The following TMC4 variants were observed in gnomAD, a reference collection of about 807,000 sequenced individuals.
The protein encoded by TMC4 is transmembrane channel like 4, also known as voltage-gated chloride channel TMC4.
In TMC4, 70 loss-of-function variants were observed where a neutral mutation model predicts 82.0. The observed-to-expected ratio is 0.85, with a 90% CI of 0.70 to 1.04. The LOEUF (loss-of-function observed/expected upper bound fraction) is 1.04. TMC4 is among the 50% of genes least tolerant of loss of function. The pLI is 0.00. For synonymous variants in TMC4, 446 were observed against 406.0 expected (o/e 1.10, Z -1.18); for missense variants, 879 against 899.0 (o/e 0.98, Z 0.28).
chr19:54,171,669 G>T (rs1166795929), intron 2 of TMC4, among the ~76,000 whole-genome samples: 2 of 152,184 alleles, frequency 1.3e-5, no homozygotes, highest in Admixed American at 6.5e-5. Flanking sequence ...CAGAGCCATC[G>T]AAAGGCAGCA....
At position 54,162,167 on chromosome 19, in the gene TMC4, A is replaced by C. The variant is rs1443797576; in HGVS notation, c.1621T>G (p.Phe541Val). The change falls in exon 11 of 15, where the codon TTT (phenylalanine) becomes GTT (valine). Residue 541 changes from phenylalanine to valine, a missense_variant. Physicochemically the swap from Phe to Val is conservative, Grantham distance 50 (BLOSUM62 -1). Coordinates refer to ENST00000619895, the MANE Select transcript of TMC4 (RefSeq NM_144686.4). ...AGCAGGGGCAGTAAAGGGCAGAAAA[A>C]ACTCCCCACCCAGACCACCGTCTGC... The part of the protein sequence containing the change: ...YAQTVVWVGS[F>V]FCPLLPLLNT... 1 of 1,612,554 alleles carries C rather than the reference A, an allele frequency of 6.2e-7. No individual in the cohort carries two copies. Among genetic ancestry groups the C allele is most frequent in the Non-Finnish European group, 8.5e-7 (1 of 1,179,600 alleles).
In TMC4 at chr19:54,164,417, T is replaced by C. The variant is rs763294515; in HGVS notation, c.1113+17A>G. The C allele has an allele frequency of 1.9e-6, 3 of 1,603,780 alleles. No individual in the cohort carries two copies. The highest frequency in any genetic ancestry group is 2.7e-5 in the African/African-American group (2 of 74,616). On this transcript the variant is annotated intron_variant, in intron 7 of 14. Coordinates refer to ENST00000619895, the MANE Select transcript of TMC4 (RefSeq NM_144686.4). ...GTTCCAGGACCCCCTGGCTTCCTCTTCCAAGACCGTCCGCACCTGCAGCTC... is the reference window on the plus strand; with the variant it reads ...GTTCCAGGACCCCCTGGCTTCCTCTCCCAAGACCGTCCGCACCTGCAGCTC...
rs2075790335 is a variant in TMC4 at position 54,168,867 on chromosome 19, C to CTTTTCTT, written c.443-194_443-188dup. Among the ~76,000 whole-genome samples the CTTTTCTT allele has an allele frequency of 6.5e-5, 2 of 30,538 alleles. 1 individual carries two copies. Among genetic ancestry groups the CTTTTCTT allele is most frequent in the Non-Finnish European group, 1.2e-4 (2 of 17,018 alleles). The allele number at this position is 30,538 out of a possible 152,430, so 20.0% of individuals were successfully genotyped here. On this transcript the variant is annotated intron_variant, in intron 3 of 14. Transcript: ENST00000619895. ...CTTTTCTTTTCTTTTCTTTTCTTTT[C>CTTTTCTT]TTTTCTTTTCTTTTCTTTTCTTTCT... is the stretch of plus-strand genomic sequence containing the variant.
rs759009791 is a variant in TMC4 at position 54,163,679 on chromosome 19, G to A, written c.1277+45C>T. On this transcript the variant is annotated intron_variant, in intron 8 of 14. Coordinates refer to ENST00000619895, the MANE Select transcript of TMC4 (RefSeq NM_144686.4). ...TGTCAGCGCCAACATCCCTCTGACC[G>A]CCCCCACCCTTCATCATTCCCAGCC... The A allele has an allele frequency of 5.6e-6, 9 of 1,606,158 alleles. No homozygotes were observed. The South Asian group carries it at 6.6e-5, about 12-fold the overall frequency.
chr19:54,162,389 T>TGGGGG (rs779701144), intron 10 of TMC4, 104 bp from the exon 11 acceptor site: 7 of 255,564 alleles, frequency 2.7e-5, no homozygotes, highest in Admixed American at 1.6e-4. Context: ...GTATTGGTGG[T>TGGGGG]GGGGGGGGGG....
intron 8 of TMC4, 44 bp downstream of exon 8, chr19:54,163,679 GC>G (rs2146877445): frequency 6.2e-7 from 1 of 1,606,156 alleles, no homozygotes. Flanking sequence ...CCCTCTGACC[GC>G]CCCCACCCTT....
chr19:54,163,407 C>A (rs2075619750), intron 8 of TMC4: 1 of 629,330 alleles, frequency 1.6e-6, no homozygotes, highest in East Asian at 2.8e-5. Context: ...ACCTCCCAGG[C>A]TCGAGCCATT....
At chr19:54,168,839 TTTCTTTTC>T (rs2075785605) in intron 3 of TMC4, among the ~76,000 whole-genome samples, 159 bp from the exon 4 acceptor site, 2 of 33,332 alleles carry the variant, frequency 6.0e-5, no homozygotes, top group African/African-American at 2.9e-4. Context: ...TTTCTTTTCT[TTTCTTTTC>T]TTTTCTTTTC....
At position 54,163,082 on chromosome 19, in the gene TMC4, G is replaced by A; in HGVS notation, c.1355C>T (p.Ser452Phe). 6.2e-7 allele frequency: 1 copy of A among 1,614,082 alleles called. No individual in the cohort carries two copies. The highest frequency in any genetic ancestry group is 8.5e-7 in the Non-Finnish European group (1 of 1,180,020). The change falls in exon 9 of 15, where the codon TCC becomes TTC. Residue 452 changes from serine (S) to phenylalanine (F), a missense_variant. Coordinates refer to ENST00000619895, the MANE Select transcript of TMC4 (RefSeq NM_144686.4). The stretch of plus-strand genomic sequence containing the variant: ...ACAGGTTTTGCAGTCCTCAGCCTCG[G>A]AGTCGCCCCCACAAGTGATCTGATT... The part of the protein sequence containing the change: ...LWNQITCGGD[S>F]EAEDCKTCGY...
At position 54,168,297 on chromosome 19, in the gene TMC4, G is replaced by C; in HGVS notation, c.676-5C>G. On this transcript the variant is annotated splice_polypyrimidine_tract_variant and splice_region_variant and intron_variant, in intron 4 of 14. Coordinates refer to ENST00000619895, the MANE Select transcript of TMC4 (RefSeq NM_144686.4). ...AGGGGACCATTCCAGGTAACCCTGT[G>C]GGGGGAAGGCGGCGCAGGGGCCACT... The C allele has an allele frequency of 1.3e-6, 2 of 1,551,182 alleles. No individual in the cohort carries two copies. The highest frequency in any genetic ancestry group is 2.0e-5 in the Admixed American group (1 of 50,982).
At position 54,168,579 on chromosome 19, in the gene TMC4, G is replaced by A. The variant is rs2075763802; in HGVS notation, c.544C>T (p.Pro182Ser). Residue 182 changes from proline to serine, a missense_variant, in exon 4 of 15, where the codon CCC (proline) becomes TCC (serine). Coordinates refer to ENST00000619895, the MANE Select transcript of TMC4 (RefSeq NM_144686.4). ...SVLMACMTLLPTWLGGAPPGP... is the reference protein window; with the variant it reads ...SVLMACMTLLSTWLGGAPPGP... ...GGGGGAGCGCCTCCCAACCAGGTGGGCAGCAGCGTCATGCAGGCCATGAGC... is the reference window on the plus strand; with the variant it reads ...GGGGGAGCGCCTCCCAACCAGGTGGACAGCAGCGTCATGCAGGCCATGAGC... 10 of 1,588,346 alleles carry A rather than the reference G, an allele frequency of 6.3e-6. No individual in the cohort carries two copies. In the East Asian group the frequency reaches 2.1e-4, roughly 33 times the overall value.
chr19:54,162,149 G>T lies in TMC4; in HGVS notation c.1639C>A (p.Pro547Thr). The change falls in exon 11 of 15, where the codon CCC becomes ACC. Residue 547 changes from proline to threonine, a missense_variant. Pro to Thr is a conservative substitution (Grantham distance 38). Transcript: ENST00000619895. ...AGGAACTTGACCGTGTTAAGCAGGG[G>T]CAGTAAAGGGCAGAAAAAACTCCCC... The part of the protein sequence containing the change: ...WVGSFFCPLL[P>T]LLNTVKFLLL... 6.2e-7 allele frequency: 1 copy of T among 1,613,758 alleles called. No individual in the cohort carries two copies. The highest frequency in any genetic ancestry group is 8.5e-7 in the Non-Finnish European group (1 of 1,179,880).
At chr19:54,164,733 T>C in intron 6 of TMC4, 132 bp from the exon 7 acceptor site, 1 of 1,214,680 alleles carries the variant, frequency 8.2e-7, no homozygotes, top group Non-Finnish European at 1.2e-6. Flanking sequence ...GCTAACAACC[T>C]CTGCAGTCCT....
At chr19:54,169,771 A>G (rs915477240) in intron 2 of TMC4, 111 bp from the exon 3 acceptor site, 6 of 1,405,928 alleles carry the variant, frequency 4.3e-6, no homozygotes, top group East Asian at 4.8e-5. Flanking sequence ...TGGCCTATAC[A>G]TAAGATAGAA....
intron 5 of TMC4, among the ~76,000 whole-genome samples, chr19:54,166,808 C>T (rs2075716418): frequency 6.6e-6 from 1 of 152,076 alleles, no homozygotes; most frequent in Non-Finnish European, 1.5e-5. Context: ...ACAAAATTAG[C>T]CGGGCATGGT....
intron 9 of TMC4, 61 bp from the exon 10 acceptor site, chr19:54,162,831 G>C: frequency 6.5e-7 from 1 of 1,535,952 alleles, no homozygotes; most frequent in Non-Finnish European, 9.0e-7. Flanking sequence ...AGGCCCACGC[G>C]TCCGAGTCTC....
chr19:54,160,140 G>A lies in TMC4; in HGVS notation c.*166C>T. The A allele has an allele frequency of 1.3e-6, 1 of 743,560 alleles. No homozygotes were observed. The highest frequency in any genetic ancestry group is 2.5e-5 in the South Asian group (1 of 39,738). The allele number at this position is 743,560 out of a possible 1,614,324, so 46.1% of individuals were successfully genotyped here. ...CCTCGGCTGTATTTATTGATACAAG[G>A]AAGATCACCCGAGAGTCAGGGACGT... On this transcript the variant is annotated 3_prime_UTR_variant, in exon 15 of 15. Coordinates refer to ENST00000619895, the MANE Select transcript of TMC4 (RefSeq NM_144686.4).
chr19:54,164,685 C>T, intron 6 of TMC4, 84 bp from the exon 7 acceptor site: 1 of 1,559,210 alleles, frequency 6.4e-7, no homozygotes, highest in Non-Finnish European at 8.7e-7. Context: ...CTCCAGAGAT[C>T]CTCCTTAACG....
At chr19:54,165,651 G>A in intron 5 of TMC4, 85 bp from the exon 6 acceptor site, 4 of 1,472,992 alleles carry the variant, frequency 2.7e-6, no homozygotes, top group South Asian at 2.6e-5. Flanking sequence ...TGGGACAAAT[G>A]GGGAAGATGA....
Sources: gnomAD v4.1 joint callset for allele counts (sites outside exome capture counted in the v4.1 genomes callset) on GRCh38, gnomAD v4.1.1 for gene constraint, MANE v1.5 for transcripts, NCBI Gene and HGNC (gene_info 2026-07-23, HGNC 2026-07-21) for gene names.